Variants in RFX1 observed in about 807,000 individuals in gnomAD.
RFX1 encodes the protein regulatory factor X1, also known as MHC class II regulatory factor RFX1.
RFX1 carries 42 observed loss-of-function variants against 119.6 expected under a neutral mutation model. That is an observed-to-expected ratio of 0.35 (90% CI 0.27 to 0.45). The LOEUF is 0.45. RFX1 is among the 20% of genes least tolerant of loss of function. RFX1 has a pLI of 1.00. For missense variants in RFX1, 1,118 were observed against 1,368.1 expected, an observed-to-expected ratio of 0.82 and a Z score of 2.88; for synonymous variants, 628 against 618.5, an observed-to-expected ratio of 1.02 and a Z score of -0.23.
At position 13,965,503 on chromosome 19, in the gene RFX1, C is replaced by T. The variant is rs1163174562; in HGVS notation, c.2157G>A (p.Glu719=). 1.9e-6 allele frequency: 3 copies of T among 1,614,014 alleles called. No individual in the cohort carries two copies. The highest frequency in any genetic ancestry group is 2.2e-5 in the East Asian group (1 of 44,884). Residue 719 remains glutamate, a synonymous_variant, in exon 16 of 21, where the codon GAG becomes GAA. Transcript: ENST00000254325. This position sits in a 1 kb window ranked among gnomAD's most constrained non-coding sequence, Gnocchi z 4.7. ...TGACCATGGCGTGGGTGAGCCAGCT[C>T]TCCAGGCTCTTGGCAAAGTTCCGGA... ...QAIRNFAKSL[E]SWLTHAMVNI... is the part of the protein sequence containing the mutation.
Position 13,983,473 on chromosome 19 carries a change from G to A in RFX1, c.429+13C>T, listed in dbSNP as rs754054619. ...CGGGCCCTCCCCCACCCCCTGGGAG[G>A]GCCACATCCTACCTGCTGGGTGCCC... On this transcript the variant is annotated intron_variant, in intron 3 of 20. Transcript: ENST00000254325. The A allele has an allele frequency of 9.5e-6, 15 of 1,584,566 alleles. No homozygotes were observed. Among genetic ancestry groups the A allele is most frequent in the Middle Eastern group, 1.7e-4 (1 of 6,016 alleles).
chr19:13,988,026 T>G (rs896920102), intron 2 of RFX1, among the ~76,000 whole-genome samples: 34 of 141,668 alleles, frequency 2.4e-4, no homozygotes, highest in African/African-American at 7.9e-4. Context: ...TTCTTGCTCT[T>G]TTTTTTTTTT....
chr19:14,001,943 C>G (rs546221259), intron 1 of RFX1, among the ~76,000 whole-genome samples: 1 of 152,314 alleles, frequency 6.6e-6, no homozygotes, highest in South Asian at 2.1e-4. Flanking sequence ...CGACACCAGC[C>G]TGGCCAACAT....
In RFX1 at chr19:13,972,804, C is replaced by A; in HGVS notation, c.1253G>T (p.Gly418Val). 1.2e-6 allele frequency: 2 copies of A among 1,608,120 alleles called. No homozygotes were observed. The highest frequency in any genetic ancestry group is 8.5e-7 in the Non-Finnish European group (1 of 1,177,904). ...CTGGCTGGCACTGCCCAGCATGTAG[C>A]CGCCTTGGATCACGTAGGTGCCTGC... ...SGAGTYVIQG[G>V]YMLGSASQSY... Residue 418 changes from glycine to valine, a missense_variant, in exon 9 of 21, where the codon GGC (glycine) becomes GTC (valine). By Grantham distance (109) the Gly-to-Val change is moderately radical. Coordinates refer to ENST00000254325, the MANE Select transcript of RFX1 (RefSeq NM_002918.5).
chr19:13,974,688 C>T (rs115840529), intron 8 of RFX1, among the ~76,000 whole-genome samples: 1,966 of 152,264 alleles, frequency 0.013, 52 homozygotes, highest in African/African-American at 0.045. Flanking sequence ...CTCTCACCAT[C>T]TCGCTAAACA....
chr19:14,006,551 G>A (rs1208500361), upstream of RFX1: 7 of 152,484 alleles, frequency 4.6e-5, no homozygotes, highest in African/African-American at 1.7e-4. Flanking sequence ...CAGGGAAGCA[G>A]CTGGTTAAGA....
chr19:13,962,127 C>T lies in RFX1; in HGVS notation c.*568G>A, dbSNP rs1158131045. 2.6e-5 allele frequency: 4 copies of T among 152,734 alleles called. No individual in the cohort carries two copies. The highest frequency in any genetic ancestry group is 7.2e-5 in the African/African-American group (3 of 41,436). The allele number at this position is 152,734 out of a possible 1,614,324, so 9.5% of individuals were successfully genotyped here. On this transcript the variant is annotated 3_prime_UTR_variant, in exon 21 of 21. Coordinates refer to ENST00000254325, the MANE Select transcript of RFX1 (RefSeq NM_002918.5). ...TTGAGCTTGGGGGCAAGGGAGGGCCCAGCGCTGGAGAAGATGCGACACCCA... is the reference window on the plus strand; with the variant it reads ...TTGAGCTTGGGGGCAAGGGAGGGCCTAGCGCTGGAGAAGATGCGACACCCA...
chr19:13,962,412 G>A lies in RFX1; in HGVS notation c.*283C>T, dbSNP rs767599086. ...CTGGGGAGAAGACGCTGGGGCCTGG[G>A]AGGGGGGCGGCCAAGGGGCCGAGCT... On this transcript the variant is annotated 3_prime_UTR_variant, in exon 21 of 21. Transcript: ENST00000254325. The A allele has an allele frequency of 2.5e-5, 12 of 479,338 alleles. No homozygotes were observed. In the Middle Eastern group the frequency reaches 2.8e-3, roughly 112 times the overall value. The allele number at this position is 479,338 out of a possible 1,614,324, so 29.7% of individuals were successfully genotyped here.
chr19:14,004,377 G>A (rs753148749), intron 1 of RFX1, among the ~76,000 whole-genome samples: 5 of 152,064 alleles, frequency 3.3e-5, no homozygotes, highest in Non-Finnish European at 4.4e-5. Context: ...GCATGATGGC[G>A]AGCGCCTGTA....
intron 1 of RFX1, among the ~76,000 whole-genome samples, chr19:14,000,654 T>G (rs2145641654): frequency 6.6e-6 from 1 of 151,786 alleles, no homozygotes; most frequent in African/African-American, 2.4e-5. Flanking sequence ...AAAAATCAGC[T>G]AGGCATAGTA....
intron 1 of RFX1, among the ~76,000 whole-genome samples, chr19:14,003,830 G>A (rs1975290790): frequency 6.6e-6 from 1 of 152,032 alleles, no homozygotes; most frequent in African/African-American, 2.4e-5. Flanking sequence ...TGACTCCTCA[G>A]GCCCTTCATC....
intron 8 of RFX1, among the ~76,000 whole-genome samples, chr19:13,975,075 G>A (rs893354119): frequency 6.9e-6 from 1 of 145,150 alleles, no homozygotes; most frequent in African/African-American, 2.6e-5. Flanking sequence ...GGGGGGCAGG[G>A]GCAGGCACGG....
chr19:13,968,946 G>A lies in RFX1; in HGVS notation c.1497-52C>T, dbSNP rs936328176. ...TGGGCTGGGGGTCTGCCGGCTGGCCGGCCATGGAGCACCTCACAGCACACC... is the reference window on the plus strand; with the variant it reads ...TGGGCTGGGGGTCTGCCGGCTGGCCAGCCATGGAGCACCTCACAGCACACC... On this transcript the variant is annotated intron_variant, in intron 10 of 20. Coordinates refer to ENST00000254325, the MANE Select transcript of RFX1 (RefSeq NM_002918.5). This position sits in a 1 kb window ranked among gnomAD's most constrained non-coding sequence, Gnocchi z 5.5. 9.1e-6 allele frequency: 14 copies of A among 1,531,786 alleles called. No individual in the cohort carries two copies. The African/African-American group carries it at 1.4e-4, about 15-fold the overall frequency. The allele number at this position is 1,531,786 out of a possible 1,614,324, so 94.9% of individuals were successfully genotyped here.
At chr19:13,982,941 C>G (rs1974473837) in intron 4 of RFX1, 2 of 526,636 alleles carry the variant, frequency 3.8e-6, no homozygotes, top group African/African-American at 3.9e-5. Context: ...ACCCGCAAAC[C>G]ACCTTCCCAA....
chr19:13,984,075 T>A (rs1936208778), intron 2 of RFX1, among the ~76,000 whole-genome samples: 1 of 151,598 alleles, frequency 6.6e-6, no homozygotes, highest in South Asian at 2.1e-4. Flanking sequence ...CTTGCTAGCC[T>A]GTGGCCAAGT....
intron 1 of RFX1, among the ~76,000 whole-genome samples, chr19:14,003,132 T>C (rs1420092432): frequency 6.6e-6 from 1 of 152,048 alleles, no homozygotes; most frequent in Non-Finnish European, 1.5e-5. Flanking sequence ...ACTACAGTCA[T>C]GTGCTACCAT....
Position 13,962,545 on chromosome 19 carries a change from A to AT in RFX1, c.*149dup. 1.6e-6 allele frequency: 1 copy of AT among 641,038 alleles called. No homozygotes were observed. The highest frequency in any genetic ancestry group is 3.2e-5 in the East Asian group (1 of 31,696). The allele number at this position is 641,038 out of a possible 1,614,324, so 39.7% of individuals were successfully genotyped here. The stretch of plus-strand genomic sequence containing the variant: ...CCAGCCCACTGATTGTGCCGGCCCC[A>AT]TAAGGGAGGAGGGCCCCGGTCTTCC... On this transcript the variant is annotated 3_prime_UTR_variant, in exon 21 of 21. Coordinates refer to ENST00000254325, the MANE Select transcript of RFX1 (RefSeq NM_002918.5).
Position 13,972,822 on chromosome 19 carries a change from G to A in RFX1, c.1235C>T (p.Thr412Ile), listed in dbSNP as rs1974123759. Residue 412 changes from threonine (T) to isoleucine (I), a missense_variant, in exon 9 of 21, where the codon ACC becomes ATC. By Grantham distance (89) the Thr-to-Ile change is moderately conservative. Transcript: ENST00000254325. Reference protein sequence around the residue: ...STGGGGSGAGTYVIQGGYMLG... With the variant: ...STGGGGSGAGIYVIQGGYMLG... ...CATGTAGCCGCCTTGGATCACGTAG[G>A]TGCCTGCTCCGCTGCCGCCGCCTCC... is the stretch of plus-strand genomic sequence containing the variant. 6.2e-7 allele frequency: 1 copy of A among 1,604,270 alleles called. No homozygotes were observed. The highest frequency in any genetic ancestry group is 8.5e-7 in the Non-Finnish European group (1 of 1,176,612).
chr19:13,963,414 G>C, intron 18 of RFX1, 124 bp downstream of exon 18: 1 of 1,422,960 alleles, frequency 7.0e-7, no homozygotes, highest in Non-Finnish European at 9.5e-7. Context: ...CGGCACATGA[G>C]CCCAGGGCCC....
Sources: allele counts gnomAD v4.1 joint callset (sites outside exome capture counted in the v4.1 genomes callset), GRCh38; gene constraint gnomAD v4.1.1; non-coding constraint Gnocchi (gnomAD v3.1); transcripts MANE v1.5; gene names NCBI Gene and HGNC (gene_info 2026-07-23, HGNC 2026-07-21).